Variants in SCMH1 observed in about 807,000 individuals in gnomAD.
The protein encoded by SCMH1 is polycomb protein SCMH1.
In SCMH1, 37 loss-of-function variants were observed where a neutral mutation model predicts 70.8. The ratio of observed to expected loss-of-function variants is 0.52; its 90% CI spans 0.40 to 0.69. SCMH1 has a LOEUF of 0.69. SCMH1 is among the 30% of genes least tolerant of loss of function. The probability of loss-of-function intolerance (pLI) is 0.00; values close to 1 mark genes in which losing one functional copy is unlikely to be tolerated. For synonymous variants in SCMH1, 292 were observed against 307.4 expected (o/e 0.95, Z 0.52); for missense variants, 607 against 827.3 (o/e 0.73, Z 3.27).
At chr1:41,075,846 G>A (rs1010616310) in intron 8 of SCMH1, among the ~76,000 whole-genome samples, 6 of 152,100 alleles carry the variant, frequency 3.9e-5, no homozygotes, top group Non-Finnish European at 8.8e-5. Context: ...AATGCCCTCC[G>A]CAGGTTACAT....
intron 6 of SCMH1, among the ~76,000 whole-genome samples, chr1:41,135,465 C>G (rs1173995749): frequency 2.0e-5 from 3 of 152,098 alleles, no homozygotes; most frequent in Non-Finnish European, 2.9e-5. Flanking sequence ...GGGGCTTCCC[C>G]CTTTGCTCAG....
chr1:41,136,884 CCTT>C (rs1343076298), intron 6 of SCMH1, among the ~76,000 whole-genome samples: 1 of 150,522 alleles, frequency 6.6e-6, no homozygotes, highest in Non-Finnish European at 1.5e-5. Flanking sequence ...TGCAAGCAAT[CCTT>C]CTGCTTCAGC....
chr1:41,179,974 T>G (rs532912833), intron 2 of SCMH1, among the ~76,000 whole-genome samples: 4 of 152,298 alleles, frequency 2.6e-5, no homozygotes, highest in Admixed American at 2.6e-4. Flanking sequence ...AATAAAACAC[T>G]GGCAAACCGA....
chr1:41,046,382 G>A (rs760235992), intron 12 of SCMH1, 25 bp downstream of exon 12: 3 of 1,608,376 alleles, frequency 1.9e-6, no homozygotes, highest in Admixed American at 1.7e-5. Flanking sequence ...CCCACTCTCA[G>A]CCCAGGCCCC....
intron 10 of SCMH1, among the ~76,000 whole-genome samples, chr1:41,062,679 C>T (rs1331032148): frequency 6.7e-6 from 1 of 149,656 alleles, no homozygotes; most frequent in South Asian, 2.1e-4. Context: ...ACGGAGGTTG[C>T]AGTGAGCTGA....
chr1:41,163,957 G>A (rs937422981), intron 2 of SCMH1, among the ~76,000 whole-genome samples: 1 of 152,026 alleles, frequency 6.6e-6, no homozygotes, highest in Non-Finnish European at 1.5e-5. Flanking sequence ...CCATAAAAAG[G>A]ATACATTACT....
At chr1:41,218,591 T>C (rs567838879) in intron 1 of SCMH1, among the ~76,000 whole-genome samples, 78 of 152,320 alleles carry the variant, frequency 5.1e-4, no homozygotes, top group African/African-American at 1.7e-3. Flanking sequence ...ACTGAGAGAA[T>C]AAATTTCTGT....
chr1:41,027,920 G>T, exon 15 of SCMH1: 1 of 438,626 alleles, frequency 2.3e-6, no homozygotes, highest in Non-Finnish European at 4.1e-6. Flanking sequence ...TGAGAGGCCA[G>T]CCAGGGTTGA....
intron 1 of SCMH1, among the ~76,000 whole-genome samples, chr1:41,209,072 C>G (rs766254992): frequency 6.6e-5 from 10 of 152,062 alleles, no homozygotes; most frequent in Admixed American, 3.9e-4. Flanking sequence ...CACAGAAATA[C>G]AAACTACCAA....
intron 10 of SCMH1, among the ~76,000 whole-genome samples, chr1:41,057,257 G>GT (rs1650703395): frequency 6.6e-6 from 1 of 151,022 alleles, no homozygotes; most frequent in Non-Finnish European, 1.5e-5. Flanking sequence ...TTTTGTTGTT[G>GT]TTTTTTTGTT....
At chr1:41,236,249 G>A (rs1470161006) in intron 1 of SCMH1, among the ~76,000 whole-genome samples, 1 of 152,118 alleles carries the variant, frequency 6.6e-6, no homozygotes, top group Non-Finnish European at 1.5e-5. Context: ...CAGATATAGT[G>A]GAGAATAAAA....
chr1:41,153,058 A>C (rs1156358177), intron 4 of SCMH1, among the ~76,000 whole-genome samples: 1 of 152,370 alleles, frequency 6.6e-6, no homozygotes, highest in South Asian at 2.1e-4. Context: ...GCCCTAAAGC[A>C]AGGACTGAAT....
At chr1:41,235,099 C>T (rs969373664) in intron 1 of SCMH1, among the ~76,000 whole-genome samples, 3 of 152,050 alleles carry the variant, frequency 2.0e-5, no homozygotes, top group Non-Finnish European at 2.9e-5. Context: ...ATATTTCAAC[C>T]AGAACATTAG....
In SCMH1 at chr1:41,067,466, A is replaced by C. The variant is rs1259942690; in HGVS notation, c.1105+3129T>G. On this transcript the variant is annotated intron_variant, in intron 10 of 14. Transcript: ENST00000337495. ...CTCAACAACAACAACAACAAAAAAA[A>C]AAAAAAAAAAAAAAAGAGCTATCAA... 3.2e-4 allele frequency among the ~76,000 whole-genome samples: 48 copies of C among 148,614 alleles called. 1 individual carries two copies. Among genetic ancestry groups the C allele is most frequent in the East Asian group, 4.0e-4 (2 of 4,990 alleles).
chr1:41,204,168 G>C (rs1557816498), intron 1 of SCMH1, among the ~76,000 whole-genome samples: 1 of 152,124 alleles, frequency 6.6e-6, no homozygotes, highest in Non-Finnish European at 1.5e-5. Context: ...GGTGGAGCTG[G>C]GAATCAAAAC....
intron 2 of SCMH1, among the ~76,000 whole-genome samples, chr1:41,185,207 C>T (rs980509690): frequency 7.9e-5 from 12 of 152,106 alleles, no homozygotes; most frequent in African/African-American, 2.9e-4. Context: ...ACCTAAGTTC[C>T]AGCCCTGTGC....
At chr1:41,054,139 C>T (rs543436764) in intron 10 of SCMH1, among the ~76,000 whole-genome samples, 192 of 152,198 alleles carry the variant, frequency 1.3e-3, no homozygotes, top group African/African-American at 4.3e-3. Flanking sequence ...CCACCGCGCC[C>T]GGCCTAAAGG....
rs141985362 is a variant in SCMH1 at position 41,048,844 on chromosome 1, A to G, written c.1152T>C (p.Asp384=). 12 of 1,614,066 alleles carry G rather than the reference A, an allele frequency of 7.4e-6. No homozygotes were observed. In the African/African-American group the frequency reaches 1.6e-4, roughly 22 times the overall value. The stretch of plus-strand genomic sequence containing the variant: ...CAGGGAGTTGCTGGACCTTCTTCTT[A>G]TCTAAGTGGGGGCCTGTGCTGCCAT... The change falls in exon 11 of 15, where the codon GAT becomes GAC. Residue 384 remains aspartate, a synonymous_variant. Coordinates refer to ENST00000337495, the Ensembl canonical transcript of SCMH1.
At chr1:41,042,254 G>A (rs553187578) in intron 12 of SCMH1, among the ~76,000 whole-genome samples, 3 of 149,216 alleles carry the variant, frequency 2.0e-5, no homozygotes, top group African/African-American at 7.4e-5. Flanking sequence ...GCCAGAAGGG[G>A]CTTTTTTTTT....
Sources: gnomAD v4.1 joint callset for allele counts (sites outside exome capture counted in the v4.1 genomes callset) on GRCh38, gnomAD v4.1.1 for gene constraint, MANE v1.5 for transcripts, NCBI Gene and HGNC (gene_info 2026-07-23, HGNC 2026-07-21) for gene names.